The following RSRC1 variants were observed in gnomAD, a reference collection of about 807,000 sequenced individuals.
RSRC1 encodes serine/Arginine-related protein 53.
A neutral mutation model predicts 49.1 loss-of-function variants in RSRC1; 39 were observed. The observed-to-expected ratio is 0.79, with a 90% CI of 0.61 to 1.04. The LOEUF is 1.04. Ranked by LOEUF, RSRC1 falls within the 50% of genes least tolerant of loss-of-function variation. The probability of loss-of-function intolerance (pLI) is 0.00; values close to 1 mark genes in which losing one functional copy is unlikely to be tolerated. For missense variants in RSRC1, 388 were observed against 402.4 expected, an observed-to-expected ratio of 0.96 and a Z score of 0.31; for synonymous variants, 143 against 130.8, an observed-to-expected ratio of 1.09 and a Z score of -0.63.
At chr3:158,495,985 A>G (rs1195567896) in intron 7 of RSRC1, among the ~76,000 whole-genome samples, 1 of 152,228 alleles carries the variant, frequency 6.6e-6, no homozygotes, top group Non-Finnish European at 1.5e-5. Context: ...ATATCTATAT[A>G]TACATACACA....
At chr3:158,121,765 C>T (rs745669623) in intron 1 of RSRC1, among the ~76,000 whole-genome samples, 4 of 152,138 alleles carry the variant, frequency 2.6e-5, no homozygotes, top group Non-Finnish European at 4.4e-5. Context: ...AAGAACTGCT[C>T]TCAGTCTTGT....
chr3:158,509,986 C>G (rs1373614288), intron 7 of RSRC1, among the ~76,000 whole-genome samples: 1 of 152,178 alleles, frequency 6.6e-6, no homozygotes, highest in Non-Finnish European at 1.5e-5. Context: ...CACACATCTT[C>G]AGTTCAACCA....
chr3:158,246,920 G>A (rs1161362329), intron 4 of RSRC1, among the ~76,000 whole-genome samples: 1 of 152,026 alleles, frequency 6.6e-6, no homozygotes, highest in African/African-American at 2.4e-5. Context: ...TTTGAATGTT[G>A]GCCTGTCTTG....
chr3:158,396,229 T>C (rs1733602394), intron 6 of RSRC1, among the ~76,000 whole-genome samples: 1 of 152,032 alleles, frequency 6.6e-6, no homozygotes, highest in Non-Finnish European at 1.5e-5. Flanking sequence ...AAAAACTACC[T>C]ATCAGGTACT....
intron 6 of RSRC1, among the ~76,000 whole-genome samples, chr3:158,446,724 A>C (rs1314260263): frequency 2.0e-5 from 3 of 152,004 alleles, no homozygotes; most frequent in Non-Finnish European, 4.4e-5. Context: ...AGTTTTTCTT[A>C]TCTCTTCTAC....
intron 3 of RSRC1, among the ~76,000 whole-genome samples, chr3:158,127,621 AT>A (rs1715711684): frequency 6.6e-6 from 1 of 151,568 alleles, no homozygotes; most frequent in Non-Finnish European, 1.5e-5. Context: ...TTTTTGGATC[AT>A]TGAGCTTTAA....
chr3:158,270,718 T>C (rs1165582862), intron 4 of RSRC1, among the ~76,000 whole-genome samples: 1 of 152,158 alleles, frequency 6.6e-6, no homozygotes, highest in East Asian at 1.9e-4. Context: ...GGTTTTCTGC[T>C]ATAGCTTAAA....
At chr3:158,198,091 T>G (rs1182093666) in intron 3 of RSRC1, among the ~76,000 whole-genome samples, 1 of 152,060 alleles carries the variant, frequency 6.6e-6, no homozygotes, top group African/African-American at 2.4e-5. Context: ...GACAGTGGGG[T>G]GTTAAAGTCT....
chr3:158,235,187 T>A (rs1723174262), intron 4 of RSRC1, among the ~76,000 whole-genome samples: 1 of 152,162 alleles, frequency 6.6e-6, no homozygotes, highest in Non-Finnish European at 1.5e-5. Flanking sequence ...ATTTAGTTTT[T>A]AAACTAATGA....
intron 6 of RSRC1, among the ~76,000 whole-genome samples, chr3:158,437,930 G>C (rs1348390371): frequency 6.6e-6 from 1 of 152,156 alleles, no homozygotes; most frequent in East Asian, 1.9e-4. Flanking sequence ...CATCATCTCA[G>C]CCCAAAATCT....
At chr3:158,440,757 A>G (rs1267365091) in intron 6 of RSRC1, among the ~76,000 whole-genome samples, 6 of 152,074 alleles carry the variant, frequency 3.9e-5, no homozygotes, top group African/African-American at 1.4e-4. Context: ...CAACCTGACG[A>G]ACATGGTGAA....
chr3:158,240,416 A>G lies in RSRC1; in HGVS notation c.494+37171A>G, dbSNP rs1276178623. Among the ~76,000 whole-genome samples the G allele has an allele frequency of 2.0e-5, 3 of 152,130 alleles. 1 individual carries two copies. The highest frequency in any genetic ancestry group is 7.2e-5 in the African/African-American group (3 of 41,450). On this transcript the variant is annotated intron_variant, in intron 4 of 9. Coordinates refer to ENST00000611884, the MANE Select transcript of RSRC1 (RefSeq NM_001271838.2). Reference sequence around the variant, plus strand: ...ATTTTTGTAGTTTTTAAACCCAGGAATGGGGTAAATAATATTAATAGATTT... The same window carrying G: ...ATTTTTGTAGTTTTTAAACCCAGGAGTGGGGTAAATAATATTAATAGATTT...
At chr3:158,111,768 A>G (rs1714426547) in intron 1 of RSRC1, among the ~76,000 whole-genome samples, 1 of 152,196 alleles carries the variant, frequency 6.6e-6, no homozygotes, top group Non-Finnish European at 1.5e-5. Flanking sequence ...TGAGTAGTGG[A>G]GAAGTAATTA....
chr3:158,267,034 G>C (rs1199144224), intron 4 of RSRC1, among the ~76,000 whole-genome samples: 1 of 152,208 alleles, frequency 6.6e-6, no homozygotes, highest in Non-Finnish European at 1.5e-5. Context: ...AAAGTACTGG[G>C]ATTACAGACA....
At chr3:158,181,751 A>T (rs2108253351) in intron 3 of RSRC1, among the ~76,000 whole-genome samples, 1 of 152,338 alleles carries the variant, frequency 6.6e-6, no homozygotes, top group South Asian at 2.1e-4. Flanking sequence ...AAAACAAATC[A>T]GATAAATATT....
intron 4 of RSRC1, among the ~76,000 whole-genome samples, chr3:158,285,622 G>T (rs1264777109): frequency 6.6e-6 from 1 of 152,038 alleles, no homozygotes; most frequent in Non-Finnish European, 1.5e-5. Context: ...CTTGTAAGTT[G>T]GATTCCTAGG....
intron 6 of RSRC1, among the ~76,000 whole-genome samples, chr3:158,434,751 A>G (rs1325338652): frequency 6.6e-6 from 1 of 152,018 alleles, no homozygotes; most frequent in Admixed American, 6.6e-5. Flanking sequence ...TTGACTTTTC[A>G]TCATATTTTG....
intron 7 of RSRC1, among the ~76,000 whole-genome samples, chr3:158,526,223 G>A (rs1712013875): frequency 6.6e-6 from 1 of 151,782 alleles, no homozygotes; most frequent in South Asian, 2.1e-4. Context: ...AAGGATCAAA[G>A]TTGTACATAA....
Position 158,257,509 on chromosome 3 carries a change from T to A in RSRC1, c.495-40530T>A, listed in dbSNP as rs572186000. ...CATAGAATATCTTTTTTCCTCCCTTTATTTTCAGTCTGGCTGTCTTTTTAA... is the reference window on the plus strand; with the variant it reads ...CATAGAATATCTTTTTTCCTCCCTTAATTTTCAGTCTGGCTGTCTTTTTAA... On this transcript the variant is annotated intron_variant, in intron 4 of 9. Transcript: ENST00000611884. Among the ~76,000 whole-genome samples, 6 of 152,280 alleles carry A rather than the reference T, an allele frequency of 3.9e-5. No individual in the cohort carries two copies. The East Asian group carries it at 1.2e-3, about 29-fold the overall frequency.
Sources: allele counts gnomAD v4.1 joint callset (sites outside exome capture counted in the v4.1 genomes callset), GRCh38; gene constraint gnomAD v4.1.1; transcripts MANE v1.5; gene names NCBI Gene and HGNC (gene_info 2026-07-23, HGNC 2026-07-21).